OR3A2: variants seen among roughly 807,000 people sequenced by gnomAD.
The protein encoded by OR3A2 is olfactory receptor family 3 subfamily A member 2, also known as olfactory receptor 3A2.
For missense variants in OR3A2, 318 were observed against 392.8 expected (o/e 0.81, Z 1.61); for synonymous variants, 126 against 159.3 (o/e 0.79, Z 1.57).
chr17:3,348,810 C>T (rs181525100), intron 2 of OR3A2, among the ~76,000 whole-genome samples: 4 of 152,226 alleles, frequency 2.6e-5, no homozygotes, highest in African/African-American at 9.6e-5. Context: ...AAAGGGAAGC[C>T]CATCAGATTA....
intron 3 of OR3A2, among the ~76,000 whole-genome samples, chr17:3,297,879 C>G (rs565580780): frequency 1.8e-4 from 28 of 151,722 alleles, no homozygotes; most frequent in African/African-American, 6.0e-4. Context: ...AAGATTGATA[C>G]GATTTAAGGG....
exon 1 of OR3A2, chr17:3,386,288 A>T (rs1210890703): frequency 7.6e-6 from 3 of 396,062 alleles, no homozygotes; most frequent in African/African-American, 2.1e-5. Flanking sequence ...GCCATGTCCT[A>T]CGACCGCCCG....
chr17:3,315,308 C>T (rs1287346550), intron 3 of OR3A2, among the ~76,000 whole-genome samples: 3 of 152,174 alleles, frequency 2.0e-5, no homozygotes, highest in Non-Finnish European at 2.9e-5. Context: ...CCACCAACAA[C>T]GTAGAAGCGT....
downstream of OR3A2, chr17:3,276,816 T>G (rs2048738391): frequency 6.6e-6 from 1 of 152,152 alleles, no homozygotes. Context: ...AGATGAAACC[T>G]TCCTTTTATG....
At chr17:3,288,465 C>T (rs1227057546), upstream of OR3A2, among the ~76,000 whole-genome samples, 1 of 152,146 alleles carries the variant, frequency 6.6e-6, no homozygotes, top group Non-Finnish European at 1.5e-5. Context: ...TACATTCTTA[C>T]ACAGGGGTAA....
At chr17:3,348,423 G>T (rs901409142) in intron 2 of OR3A2, among the ~76,000 whole-genome samples, 1 of 152,008 alleles carries the variant, frequency 6.6e-6, no homozygotes, top group Non-Finnish European at 1.5e-5. Context: ...TGGAAGAAAG[G>T]GTATCAGTGA....
At chr17:3,352,102 T>C (rs2049424634) in intron 2 of OR3A2, among the ~76,000 whole-genome samples, 1 of 152,040 alleles carries the variant, frequency 6.6e-6, no homozygotes, top group African/African-American at 2.4e-5. Flanking sequence ...TAATCAGGAT[T>C]AGATTTTTTT....
chr17:3,361,366 A>G (rs1467468551), intron 2 of OR3A2, among the ~76,000 whole-genome samples: 1 of 151,644 alleles, frequency 6.6e-6, no homozygotes, highest in Non-Finnish European at 1.5e-5. Context: ...GCAAACAGGG[A>G]CAATTTGACT....
At chr17:3,297,209 A>G (rs1309566225) in intron 3 of OR3A2, among the ~76,000 whole-genome samples, 3 of 152,148 alleles carry the variant, frequency 2.0e-5, no homozygotes, top group Non-Finnish European at 2.9e-5. Context: ...TTAAATCAAC[A>G]ATTCCTGTTG....
At chr17:3,295,808 A>C (rs2048914032) in intron 3 of OR3A2, among the ~76,000 whole-genome samples, 1 of 152,098 alleles carries the variant, frequency 6.6e-6, no homozygotes, top group African/African-American at 2.4e-5. Flanking sequence ...AATTCAAAAA[A>C]GTCAGTAAAT....
intron 2 of OR3A2, among the ~76,000 whole-genome samples, chr17:3,357,742 A>G (rs796501079): frequency 4.6e-5 from 7 of 151,724 alleles, no homozygotes; most frequent in African/African-American, 1.7e-4. Context: ...ATAGAGAGAC[A>G]GGGTCTTGCT....
intron 1 of OR3A2, chr17:3,385,781 C>T (rs1236413357): frequency 5.1e-6 from 2 of 396,020 alleles, no homozygotes; most frequent in Middle Eastern, 6.2e-4. Context: ...ATTTTCAATC[C>T]ATTTAGCAAG....
intron 2 of OR3A2, among the ~76,000 whole-genome samples, chr17:3,341,705 T>A (rs1323093987): frequency 6.6e-6 from 1 of 152,186 alleles, no homozygotes; most frequent in Non-Finnish European, 1.5e-5. Context: ...CATTTTTTCT[T>A]TCATTTCAAC....
chr17:3,360,101 A>C (rs2049498246), intron 2 of OR3A2, among the ~76,000 whole-genome samples: 1 of 151,860 alleles, frequency 6.6e-6, no homozygotes, highest in South Asian at 2.1e-4. Context: ...TGACTTTTTA[A>C]TGATTGCCAT....
intron 3 of OR3A2, among the ~76,000 whole-genome samples, chr17:3,295,196 C>T (rs1173551708): frequency 6.6e-6 from 1 of 152,030 alleles, no homozygotes; most frequent in Non-Finnish European, 1.5e-5. Context: ...GTGTTGATTT[C>T]CTCATCTTCT....
chr17:3,360,265 G>A (rs1346659765), intron 2 of OR3A2, among the ~76,000 whole-genome samples: 1 of 150,624 alleles, frequency 6.6e-6, no homozygotes, highest in Non-Finnish European at 1.5e-5. Context: ...TTTTGATGGG[G>A]TTGTTTTTTT....
At chr17:3,282,547 C>T (rs2048783707) in intron 1 of OR3A2, among the ~76,000 whole-genome samples, 2 of 152,292 alleles carry the variant, frequency 1.3e-5, no homozygotes, top group South Asian at 4.1e-4. Flanking sequence ...ATGAGGTCTC[C>T]ACTGTGTGTG....
At chr17:3,314,822 C>A (rs2049068625) in intron 3 of OR3A2, among the ~76,000 whole-genome samples, 1 of 152,156 alleles carries the variant, frequency 6.6e-6, no homozygotes, top group South Asian at 2.1e-4. Context: ...ACCCGATAGG[C>A]AGTTTTTTAA....
At chr17:3,315,242 A>T (rs1037256559) in intron 3 of OR3A2, among the ~76,000 whole-genome samples, 2 of 152,184 alleles carry the variant, frequency 1.3e-5, no homozygotes, top group Non-Finnish European at 2.9e-5. Flanking sequence ...CTCTGTTTTA[A>T]GTTCTTTGAG....
Sources: allele counts gnomAD v4.1 joint callset (sites outside exome capture counted in the v4.1 genomes callset), GRCh38; gene constraint gnomAD v4.1.1; transcripts MANE v1.5; gene names NCBI Gene and HGNC (gene_info 2026-07-23, HGNC 2026-07-21).